Variants in DNAH17 observed in about 807,000 individuals in gnomAD.
DNAH17 encodes axonemal beta dynein heavy chain 17.
In DNAH17, 376 loss-of-function variants were observed where a neutral mutation model predicts 485.6. That is an observed-to-expected ratio of 0.77 (90% CI 0.71 to 0.84). DNAH17 has a LOEUF of 0.84. Ranked by LOEUF, DNAH17 falls within the 40% of genes least tolerant of loss-of-function variation. The pLI is 0.00. For missense variants in DNAH17, 6,370 were observed against 5,839.3 expected (o/e 1.09, Z -2.96); for synonymous variants, 3,031 against 2,405.9 (o/e 1.26, Z -7.60).
chr17:78,550,088 C>G (rs559972912), intron 16 of DNAH17, among the ~76,000 whole-genome samples: 1 of 152,296 alleles, frequency 6.6e-6, no homozygotes, highest in East Asian at 1.9e-4. Context: ...GGGGAAATGG[C>G]CTGTGTGCCA....
chr17:78,539,915 ACTGGCTGTGCTTG>A, intron 17 of DNAH17, 35 bp from the exon 18 acceptor site: 4 of 1,531,154 alleles, frequency 2.6e-6, no homozygotes, highest in Non-Finnish European at 3.5e-6. Flanking sequence ...GCCTCACTTC[ACTGGCTGTGCTTG>A]CTCTTTGATC....
At chr17:78,571,236 C>A (rs747190659) in intron 5 of DNAH17, 43 bp downstream of exon 5, 30 of 1,559,740 alleles carry the variant, frequency 1.9e-5, no homozygotes, top group Non-Finnish European at 2.5e-5. Context: ...CCAGGAGGCA[C>A]AAACAGCTTC....
chr17:78,575,869 G>A (rs2092426575), intron 1 of DNAH17, among the ~76,000 whole-genome samples: 1 of 152,212 alleles, frequency 6.6e-6, no homozygotes, highest in Non-Finnish European at 1.5e-5. Context: ...CAAAATGAAT[G>A]CAAACAAATT....
chr17:78,426,946 C>T lies in DNAH17; in HGVS notation c.12751G>A (p.Glu4251Lys), dbSNP rs1288484034. The T allele has an allele frequency of 5.6e-6, 9 of 1,607,686 alleles. No individual in the cohort carries two copies. The highest frequency in any genetic ancestry group is 7.6e-6 in the Non-Finnish European group (9 of 1,177,106). ...LTNEMRRSLK[E>K]LNLGLKGELT... ...TTTACCTTCAGCCCCAGGTTCAGCT[C>T]CTTGAGCGAACGGCGCATTTCGTTG... Residue 4251 changes from glutamate to lysine, a missense_variant, in exon 78 of 81, where the codon GAG becomes AAG. Glu to Lys is a moderately conservative substitution (Grantham distance 56). Transcript: ENST00000389840.
chr17:78,450,426 C>T (rs1019053129), intron 67 of DNAH17, 32 bp from the exon 68 acceptor site: 6 of 1,611,856 alleles, frequency 3.7e-6, no homozygotes, highest in Non-Finnish European at 5.1e-6. Context: ...GTGAATGACA[C>T]AGCAGATGGG....
Position 78,569,511 on chromosome 17 carries a change from C to G in DNAH17, c.1061G>C (p.Ser354Thr). The G allele has an allele frequency of 6.2e-7, 1 of 1,607,460 alleles. No individual in the cohort carries two copies. Among genetic ancestry groups the G allele is most frequent in the Non-Finnish European group, 8.5e-7 (1 of 1,176,880 alleles). Residue 354 changes from serine to threonine, a missense_variant, in exon 8 of 81, where the codon AGC becomes ACC. Coordinates refer to ENST00000389840, the MANE Select transcript of DNAH17 (RefSeq NM_173628.4). ...QIIEMTRTFL[S>T]PEEVLKGLQG... Reference sequence around the variant, plus strand: ...CAGGCCCTTCAGCACCTCTTCCGGGCTCAGGAAGGTTCGTGTCTGGGCAAA... The same window carrying G: ...CAGGCCCTTCAGCACCTCTTCCGGGGTCAGGAAGGTTCGTGTCTGGGCAAA...
In DNAH17 at chr17:78,498,290, G is replaced by A. The variant is rs371024167; in HGVS notation, c.5745+718C>T. Reference sequence around the variant, plus strand: ...CTCCTGGTCTATCCTGTGGTGGGAGGACCTTGACACCGCCAACGCCCTGAC... The same window carrying A: ...CTCCTGGTCTATCCTGTGGTGGGAGAACCTTGACACCGCCAACGCCCTGAC... On this transcript the variant is annotated intron_variant, in intron 37 of 80. Coordinates refer to ENST00000389840, the MANE Select transcript of DNAH17 (RefSeq NM_173628.4). Among the ~76,000 whole-genome samples, 16 of 152,304 alleles carry A rather than the reference G, an allele frequency of 1.1e-4. No individual in the cohort carries two copies. In the South Asian group the frequency reaches 3.1e-3, roughly 30 times the overall value.
Position 78,451,653 on chromosome 17 carries a change from T to G in DNAH17, c.10550A>C (p.Lys3517Thr). Residue 3517 changes from lysine to threonine, a missense_variant, in exon 66 of 81, where the codon AAG becomes ACG. Lys to Thr is a moderately conservative substitution (Grantham distance 78). Coordinates refer to ENST00000389840, the MANE Select transcript of DNAH17 (RefSeq NM_173628.4). The part of the protein sequence containing the change: ...KKGKYIKIGD[K>T]EVEYHPKFRL... ...GAACTTGGGGTGGTACTCCACCTCC[T>G]TGTCACCGATCTTAATGTACCTGGC... is the stretch of plus-strand genomic sequence containing the variant. The G allele has an allele frequency of 6.3e-7, 1 of 1,579,130 alleles. No homozygotes were observed. The highest frequency in any genetic ancestry group is 8.6e-7 in the Non-Finnish European group (1 of 1,162,570).
chr17:78,485,591 G>C lies in DNAH17; in HGVS notation c.7442C>G (p.Ala2481Gly). 6.2e-7 allele frequency: 1 copy of C among 1,613,722 alleles called. No individual in the cohort carries two copies. Among genetic ancestry groups the C allele is most frequent in the Non-Finnish European group, 8.5e-7 (1 of 1,179,794 alleles). Residue 2481 changes from alanine to glycine, a missense_variant, in exon 47 of 81, where the codon GCT becomes GGT. Physicochemically the swap from Ala to Gly is moderately conservative, Grantham distance 60 (BLOSUM62 0). Coordinates refer to ENST00000389840, the MANE Select transcript of DNAH17 (RefSeq NM_173628.4). The part of the protein sequence containing the change: ...SLNTDNYLVQ[A>G]VPFNFYTTSA... The stretch of plus-strand genomic sequence containing the variant: ...GGTCGTGTAGAAGTTGAAGGGCACA[G>C]CCTGCACCAGGTAGTTGTCCGTGTT...
chr17:78,462,559 T>G (rs768558810), intron 57 of DNAH17, among the ~76,000 whole-genome samples: 2 of 152,202 alleles, frequency 1.3e-5, no homozygotes, highest in African/African-American at 4.8e-5. Context: ...GCATTGGGCA[T>G]GATGATCAAA....
At chr17:78,433,937 G>A (rs549233252) in intron 75 of DNAH17, 92 bp downstream of exon 75, 28 of 926,028 alleles carry the variant, frequency 3.0e-5, no homozygotes, top group African/African-American at 1.9e-4. Context: ...AGGAGGGAGG[G>A]AAGGAGGGAG....
Position 78,507,818 on chromosome 17 carries a change from CA to C in DNAH17, c.4237-14del. ...GGGCTTTCAGCACCTTTTGGGGGAA[CA>C]GAAAAATAAGGTCACTGAGCATTTG... On this transcript the variant is annotated splice_polypyrimidine_tract_variant and intron_variant, in intron 27 of 80. Transcript: ENST00000389840. 1 of 1,534,058 alleles carries C rather than the reference CA, an allele frequency of 6.5e-7. No homozygotes were observed. The highest frequency in any genetic ancestry group is 1.2e-5 in the South Asian group (1 of 83,936).
At chr17:78,472,271 TA>T (rs1416270306) in intron 54 of DNAH17, among the ~76,000 whole-genome samples, 30 of 131,874 alleles carry the variant, frequency 2.3e-4, no homozygotes, top group African/African-American at 8.8e-4. Flanking sequence ...GGTTAGGGAG[TA>T]GGGGTGCGAG....
chr17:78,544,398 G>A (rs1045917472), intron 16 of DNAH17, among the ~76,000 whole-genome samples: 14 of 152,200 alleles, frequency 9.2e-5, no homozygotes, highest in African/African-American at 1.4e-4. Flanking sequence ...AGGGCCACGT[G>A]GGAGTAAGTC....
chr17:78,532,802 C>T (rs1056049525), intron 19 of DNAH17, 66 bp from the exon 20 acceptor site: 10 of 1,472,736 alleles, frequency 6.8e-6, no homozygotes, highest in Non-Finnish European at 8.1e-6. Context: ...TAGGTGTTGT[C>T]CTCTCGGCCT....
chr17:78,550,552 GAC>G (rs1191917711), intron 16 of DNAH17, among the ~76,000 whole-genome samples: 4 of 152,354 alleles, frequency 2.6e-5, no homozygotes, highest in African/African-American at 9.6e-5. Flanking sequence ...TGAGGACACA[GAC>G]ACACAGAGGG....
chr17:78,491,063 C>T (rs1260871955), intron 43 of DNAH17, among the ~76,000 whole-genome samples: 1 of 152,222 alleles, frequency 6.6e-6, no homozygotes, highest in Non-Finnish European at 1.5e-5. Flanking sequence ...GTGAGGGCTG[C>T]AGCATGGAGT....
chr17:78,485,497 G>C (rs1293655659), intron 47 of DNAH17, 53 bp downstream of exon 47: 2 of 1,513,974 alleles, frequency 1.3e-6, no homozygotes, highest in Non-Finnish European at 1.8e-6. Flanking sequence ...AGGAGGGAAC[G>C]GGGACTGGCG....
Position 78,567,134 on chromosome 17 carries a change from C to T in DNAH17, c.1317G>A (p.Lys439=). The T allele has an allele frequency of 1.2e-6, 2 of 1,608,438 alleles. No individual in the cohort carries two copies. Among genetic ancestry groups the T allele is most frequent in the Non-Finnish European group, 1.7e-6 (2 of 1,177,436 alleles). ...CGCCCCCAAGCTCGATTTTCTCCAGCTTCAGAAACTCAATTGCTGTTTTAT... is the reference window on the plus strand; with the variant it reads ...CGCCCCCAAGCTCGATTTTCTCCAGTTTCAGAAACTCAATTGCTGTTTTAT... ...ELYKTAIEFL[K]LEKIELGGVR... The change falls in exon 10 of 81, where the codon AAG becomes AAA. Residue 439 remains lysine, a synonymous_variant. Coordinates refer to ENST00000389840, the MANE Select transcript of DNAH17 (RefSeq NM_173628.4).
Sources: gnomAD v4.1 joint callset for allele counts (sites outside exome capture counted in the v4.1 genomes callset) on GRCh38, gnomAD v4.1.1 for gene constraint, MANE v1.5 for transcripts, NCBI Gene and HGNC (gene_info 2026-07-23, HGNC 2026-07-21) for gene names.